The following PCDH11X variants were observed in gnomAD, a reference collection of about 807,000 sequenced individuals.
The protein encoded by PCDH11X is protocadherin-11 X-linked.
In PCDH11X, 18 loss-of-function variants were observed where a neutral mutation model predicts 53.3. That is an observed-to-expected ratio of 0.34 (90% CI 0.23 to 0.50). The LOEUF is 0.50. PCDH11X is among the 20% of genes least tolerant of loss of function. The pLI is 0.98. For synonymous variants in PCDH11X, 279 were observed against 393.3 expected (o/e 0.71, Z 3.44); for missense variants, 570 against 1,032.4 (o/e 0.55, Z 6.14).
At chrX:92,156,416 G>C (rs2065537958) in intron 6 of PCDH11X, among the ~76,000 whole-genome samples, 1 of 110,988 alleles carries the variant, frequency 9.0e-6, no homozygotes, top group Non-Finnish European at 1.9e-5. Flanking sequence ...TTTTCAGTGA[G>C]GTCTTCCCTG....
At chrX:91,843,183 C>T (rs920875277) in intron 5 of PCDH11X, among the ~76,000 whole-genome samples, 1 of 105,558 alleles carries the variant, frequency 9.5e-6, no homozygotes, top group Non-Finnish European at 1.9e-5. Flanking sequence ...AGATTAATAA[C>T]AGGCATTATC....
At chrX:91,841,662 T>C (rs1220973290) in intron 5 of PCDH11X, among the ~76,000 whole-genome samples, 6 of 111,293 alleles carry the variant, frequency 5.4e-5, no homozygotes. Flanking sequence ...AATGAAAACA[T>C]GAGGTTGTAT....
intron 6 of PCDH11X, among the ~76,000 whole-genome samples, chrX:91,893,276 G>A (rs1940587462): frequency 9.1e-6 from 1 of 109,696 alleles, no homozygotes; most frequent in Non-Finnish European, 1.9e-5. Flanking sequence ...TACTCAAAAA[G>A]TATCAAAGGA....
intron 8 of PCDH11X, among the ~76,000 whole-genome samples, chrX:92,339,689 G>C (rs1228926571): frequency 5.5e-5 from 6 of 108,470 alleles, no homozygotes; most frequent in Non-Finnish European, 1.1e-4. Context: ...CAAGGGGATG[G>C]TGCTAAATCA....
At chrX:92,112,747 T>G (rs1238250961) in intron 6 of PCDH11X, among the ~76,000 whole-genome samples, 4 of 109,281 alleles carry the variant, frequency 3.7e-5, no homozygotes, top group Non-Finnish European at 7.5e-5. Flanking sequence ...TTTTCAATTT[T>G]TTTTTAAATC....
At chrX:92,609,379 T>C (rs2750706) in intron 10 of PCDH11X, among the ~76,000 whole-genome samples, 3 of 111,594 alleles carry the variant, frequency 2.7e-5, no homozygotes, top group Non-Finnish European at 5.7e-5. Flanking sequence ...GCAGCATCAA[T>C]TGAAGATTCT....
intron 7 of PCDH11X, among the ~76,000 whole-genome samples, chrX:92,213,894 T>C (rs2066637713): frequency 1.6e-5 from 1 of 61,883 alleles, no homozygotes; most frequent in South Asian, 6.8e-4. Flanking sequence ...AGTTTTCAAA[T>C]ATAAGGAAGA....
intron 6 of PCDH11X, among the ~76,000 whole-genome samples, chrX:91,997,167 C>T (rs759952784): frequency 1.1e-3 from 118 of 111,482 alleles, no homozygotes; most frequent in African/African-American, 3.3e-3. Flanking sequence ...CACCTGCAAA[C>T]ACAGAAAATT....
At chrX:91,827,861 G>A (rs1936972048) in intron 4 of PCDH11X, among the ~76,000 whole-genome samples, 1 of 108,286 alleles carries the variant, frequency 9.2e-6, no homozygotes, top group Admixed American at 1.0e-4. Flanking sequence ...ATAGTTTGAA[G>A]TCAGGTAATG....
intron 10 of PCDH11X, among the ~76,000 whole-genome samples, chrX:92,617,484 T>C (rs1928111648): frequency 9.0e-6 from 1 of 111,321 alleles, no homozygotes; most frequent in Non-Finnish European, 1.9e-5. Flanking sequence ...ATATAATGTA[T>C]TTCTTTATAC....
intron 6 of PCDH11X, among the ~76,000 whole-genome samples, chrX:91,901,238 A>T (rs1940941943): frequency 8.9e-6 from 1 of 111,896 alleles, no homozygotes; most frequent in Non-Finnish European, 1.9e-5. Context: ...CTTCTTCACC[A>T]GTTACCTCAA....
intron 6 of PCDH11X, among the ~76,000 whole-genome samples, chrX:92,151,279 G>A (rs1184672916): frequency 1.8e-5 from 2 of 110,431 alleles, no homozygotes; most frequent in Admixed American, 9.7e-5. Context: ...TGCAAGCCCC[G>A]CCTCCCAGGT....
intron 4 of PCDH11X, among the ~76,000 whole-genome samples, chrX:91,819,831 C>A (rs1936586451): frequency 1.1e-5 from 1 of 91,152 alleles, no homozygotes; most frequent in Non-Finnish European, 2.1e-5. Context: ...CTCCCCCAAC[C>A]CCACAACAGT....
intron 6 of PCDH11X, among the ~76,000 whole-genome samples, chrX:92,098,636 C>CTTTTTTT (rs34306564): frequency 4.6e-5 from 2 of 43,901 alleles, no homozygotes; most frequent in African/African-American, 9.7e-5. Flanking sequence ...TCCAAATGCT[C>CTTTTTTT]TTTTTTTTTT....
chrX:92,168,856 C>G (rs1413297490), intron 6 of PCDH11X, among the ~76,000 whole-genome samples: 1 of 111,600 alleles, frequency 9.0e-6, no homozygotes, highest in Admixed American at 9.6e-5. Context: ...AGTATACTTT[C>G]TGGCCATTAT....
At chrX:92,060,990 T>A (rs1387940358) in intron 6 of PCDH11X, among the ~76,000 whole-genome samples, 1 of 112,201 alleles carries the variant, frequency 8.9e-6, no homozygotes, top group Non-Finnish European at 1.9e-5. Flanking sequence ...TGCCAGCATT[T>A]ATTATTTTTT....
At chrX:92,489,972 A>G (rs1175198807) in intron 10 of PCDH11X, among the ~76,000 whole-genome samples, 2 of 104,758 alleles carry the variant, frequency 1.9e-5, no homozygotes, top group East Asian at 5.9e-4. Context: ...AACAATAACG[A>G]CATAATAGTT....
intron 6 of PCDH11X, among the ~76,000 whole-genome samples, chrX:92,096,474 G>T (rs866131572): frequency 2.1e-5 from 2 of 94,358 alleles, no homozygotes; most frequent in Non-Finnish European, 2.2e-5. Flanking sequence ...GTGTGTGTGT[G>T]TATGTACCTG....
At chrX:92,472,207 G>A (rs1352133793) in intron 10 of PCDH11X, among the ~76,000 whole-genome samples, 5 of 109,948 alleles carry the variant, frequency 4.5e-5, no homozygotes, top group African/African-American at 1.7e-4. Context: ...TACTGCCTAG[G>A]TTATCTTCCA....
Sources: gnomAD v4.1 joint callset for allele counts (sites outside exome capture counted in the v4.1 genomes callset) on GRCh38, gnomAD v4.1.1 for gene constraint, MANE v1.5 for transcripts, NCBI Gene and HGNC (gene_info 2026-07-23, HGNC 2026-07-21) for gene names.